C12orf42: variants seen among roughly 807,000 people sequenced by gnomAD.
The protein encoded by C12orf42 is chromosome 12 open reading frame 42, also known as uncharacterized protein C12orf42.
In C12orf42, 25 loss-of-function variants were observed where a neutral mutation model predicts 21.6. The observed-to-expected ratio is 1.16, with a 90% CI of 0.84 to 1.62. The LOEUF (loss-of-function observed/expected upper bound fraction) is 1.62, where lower values mean the gene tolerates loss of function less well. Ranked by LOEUF, C12orf42 falls within the 40% of genes most tolerant of loss-of-function variation. C12orf42 has a pLI of 0.00. For missense variants in C12orf42, 483 were observed against 459.3 expected, an observed-to-expected ratio of 1.05 and a Z score of -0.47; for synonymous variants, 174 against 175.0, an observed-to-expected ratio of 0.99 and a Z score of 0.05.
chr12:103,306,188 C>G lies in C12orf42; in HGVS notation c.417G>C (p.Glu139Asp), dbSNP rs772676234. Residue 139 changes from glutamate (E) to aspartate (D), a missense_variant, in exon 5 of 6, where the codon GAG (glutamate) becomes GAC (aspartate). Coordinates refer to ENST00000548883, the MANE Select transcript of C12orf42 (RefSeq NM_198521.5). ...CTCTGGCAGTAAAAATCAATGGGGC[C>G]TCATCAGTTTCACTGGATGGTGCTG... ...SSPAPSSETDEAPLIFTARGE... is the reference protein window; with the variant it reads ...SSPAPSSETDDAPLIFTARGE... 48 of 1,613,822 alleles carry G rather than the reference C, an allele frequency of 3.0e-5. No individual in the cohort carries two copies. Among genetic ancestry groups the G allele is most frequent in the Non-Finnish European group, 2.5e-6 (3 of 1,179,886 alleles).
At chr12:103,433,469 C>T (rs911744699) in intron 2 of C12orf42, among the ~76,000 whole-genome samples, 1 of 152,064 alleles carries the variant, frequency 6.6e-6, no homozygotes, top group South Asian at 2.1e-4. Flanking sequence ...TATGATGCAA[C>T]AAGAAGGATA....
the C12orf42 span, among the ~76,000 whole-genome samples, chr12:103,536,437 T>C: frequency 1.8e-3 from 272 of 152,220 alleles, no homozygotes; most frequent in Middle Eastern, 0.01. Flanking sequence ...TAGATGTCAA[T>C]TGAAGCAATG....
chr12:103,521,764 C>G, the C12orf42 span, among the ~76,000 whole-genome samples: 3 of 152,308 alleles, frequency 2.0e-5, no homozygotes, highest in Admixed American at 6.5e-5. Flanking sequence ...AATGAAATAT[C>G]GTCTTTGTCT....
the C12orf42 span, among the ~76,000 whole-genome samples, chr12:103,225,091 G>A: frequency 6.9e-6 from 1 of 144,954 alleles, no homozygotes; most frequent in Admixed American, 7.0e-5. Flanking sequence ...GGGTGTCAGG[G>A]TCAGTCTAAG....
At chr12:103,334,515 G>T (rs2041517348) in intron 4 of C12orf42, among the ~76,000 whole-genome samples, 1 of 152,074 alleles carries the variant, frequency 6.6e-6, no homozygotes, top group African/African-American at 2.4e-5. Flanking sequence ...TTACGCTGTG[G>T]CTTTATAAAA....
chr12:103,321,269 C>T (rs1047228264), intron 4 of C12orf42, among the ~76,000 whole-genome samples: 199 of 151,660 alleles, frequency 1.3e-3, no homozygotes, highest in African/African-American at 4.6e-3. Flanking sequence ...AAAAAATGCT[C>T]ATCATCACTG....
At chr12:103,386,917 G>A (rs1449088809) in intron 3 of C12orf42, among the ~76,000 whole-genome samples, 2 of 152,138 alleles carry the variant, frequency 1.3e-5, no homozygotes, top group African/African-American at 4.8e-5. Context: ...AAGTTAGCAT[G>A]GACAGTCCCG....
intron 5 of C12orf42, chr12:103,273,990 C>T (rs973044718): frequency 2.2e-6 from 1 of 453,912 alleles, no homozygotes; most frequent in Non-Finnish European, 4.4e-6. Context: ...CCCAAGAGCA[C>T]TCCTATTGCC....
At chr12:103,344,490 T>C (rs11609171) in intron 4 of C12orf42, among the ~76,000 whole-genome samples, 7,978 of 152,210 alleles carry the variant, frequency 0.052, 286 homozygotes, top group Non-Finnish European at 0.082. Context: ...ATTGGTGACA[T>C]AATGACATGT....
At chr12:103,531,169 C>G in the C12orf42 span, among the ~76,000 whole-genome samples, 1 of 152,174 alleles carries the variant, frequency 6.6e-6, no homozygotes, top group African/African-American at 2.4e-5. Flanking sequence ...TCTTTCTCTG[C>G]AATGAAAATT....
chr12:103,177,275 T>C, the C12orf42 span, among the ~76,000 whole-genome samples: 1 of 152,172 alleles, frequency 6.6e-6, no homozygotes, highest in Admixed American at 6.5e-5. Context: ...TGTTCAGTGA[T>C]GTGACTAAAT....
the C12orf42 span, among the ~76,000 whole-genome samples, chr12:103,163,560 A>G: frequency 6.6e-6 from 1 of 152,206 alleles, no homozygotes; most frequent in Non-Finnish European, 1.5e-5. Flanking sequence ...TTCTGTCCAC[A>G]GCTTGACCAG....
chr12:103,440,149 A>G (rs1480697217), intron 2 of C12orf42, among the ~76,000 whole-genome samples: 1 of 144,654 alleles, frequency 6.9e-6, no homozygotes, highest in Admixed American at 7.0e-5. Flanking sequence ...TCAGTAAACT[A>G]TCGCAAGAAC....
At chr12:103,434,567 G>A (rs1381148349) in intron 2 of C12orf42, among the ~76,000 whole-genome samples, 1 of 152,190 alleles carries the variant, frequency 6.6e-6, no homozygotes, top group Admixed American at 6.5e-5. Context: ...GCCGAAGCAG[G>A]GCGAGGCATT....
At chr12:103,214,520 C>G in the C12orf42 span, among the ~76,000 whole-genome samples, 10 of 152,144 alleles carry the variant, frequency 6.6e-5, no homozygotes, top group Non-Finnish European at 1.5e-4. Flanking sequence ...GTTTATCCAG[C>G]AAGTGGCATC....
chr12:103,210,905 C>G, the C12orf42 span, among the ~76,000 whole-genome samples: 1 of 151,904 alleles, frequency 6.6e-6, no homozygotes, highest in Non-Finnish European at 1.5e-5. Context: ...GCAGGAGGAT[C>G]GCTTGAGCCC....
the C12orf42 span, among the ~76,000 whole-genome samples, chr12:103,555,115 G>T: frequency 5.6e-3 from 853 of 152,290 alleles, 7 homozygotes; most frequent in Non-Finnish European, 8.4e-3. Context: ...TAAAGCACGG[G>T]TTCCTGGGTC....
At chr12:103,368,628 C>T (rs4147493) in intron 4 of C12orf42, among the ~76,000 whole-genome samples, 16,479 of 152,022 alleles carry the variant, frequency 0.11, 1,053 homozygotes, top group East Asian at 0.2. Flanking sequence ...GAAAACAAAC[C>T]CAACTTAGTG....
the C12orf42 span, among the ~76,000 whole-genome samples, chr12:103,108,665 C>T: frequency 6.6e-6 from 1 of 152,084 alleles, no homozygotes; most frequent in Admixed American, 6.5e-5. Flanking sequence ...TTGATAGAAG[C>T]ATTTCCTTCA....
Sources: allele counts gnomAD v4.1 joint callset (sites outside exome capture counted in the v4.1 genomes callset), GRCh38; gene constraint gnomAD v4.1.1; transcripts MANE v1.5; gene names NCBI Gene and HGNC (gene_info 2026-07-23, HGNC 2026-07-21).